Variants in COPB1 observed in about 807,000 individuals in gnomAD.
COPB1 encodes the protein coat protein complex I subunit beta 1, also known as coatomer subunit beta.
Under a neutral mutation model 108.7 loss-of-function variants are expected in COPB1, and 21 were observed. The observed-to-expected ratio is 0.19, with a 90% CI of 0.14 to 0.28. COPB1 has a LOEUF of 0.28. COPB1 is among the 10% of genes least tolerant of loss of function. The probability of loss-of-function intolerance (pLI) is 1.00; values close to 1 mark genes in which losing one functional copy is unlikely to be tolerated. For missense variants in COPB1, 919 were observed against 1,141.3 expected, an observed-to-expected ratio of 0.81 and a Z score of 2.81; for synonymous variants, 378 against 386.8, an observed-to-expected ratio of 0.98 and a Z score of 0.27.
At chr11:14,485,159 C>T (rs1406457328) in intron 7 of COPB1, among the ~76,000 whole-genome samples, 2 of 152,090 alleles carry the variant, frequency 1.3e-5, no homozygotes, top group African/African-American at 4.8e-5. Context: ...CACCACCATG[C>T]CCAGCTAATT....
Position 14,457,706 on chromosome 11 carries a change from A to C in COPB1, c.*118T>G. On this transcript the variant is annotated 3_prime_UTR_variant, in exon 22 of 22. Coordinates refer to ENST00000439561, the MANE Select transcript of COPB1 (RefSeq NM_001144061.2). Reference sequence around the variant, plus strand: ...GGGAAAGGCTATAAATTATTGGCTGAAAAGTATTCAGCATGAACTCAGATT... The same window carrying C: ...GGGAAAGGCTATAAATTATTGGCTGCAAAGTATTCAGCATGAACTCAGATT... 1.4e-6 allele frequency: 1 copy of C among 718,042 alleles called. No homozygotes were observed. Among genetic ancestry groups the C allele is most frequent in the Non-Finnish European group, 2.5e-6 (1 of 402,050 alleles). The allele number at this position is 718,042 out of a possible 1,614,324, so 44.5% of individuals were successfully genotyped here. A position where few individuals can be genotyped will look rare whatever the true frequency, so the allele number is the denominator to read the frequency against.
intron 20 of COPB1, among the ~76,000 whole-genome samples, chr11:14,459,454 G>A (rs568842428): frequency 6.6e-6 from 1 of 152,082 alleles, no homozygotes; most frequent in African/African-American, 2.4e-5. Context: ...TAGAGCTCCA[G>A]CTTCATTTTT....
intron 16 of COPB1, among the ~76,000 whole-genome samples, chr11:14,466,669 T>C (rs1850287676): frequency 6.6e-6 from 1 of 152,338 alleles, no homozygotes; most frequent in South Asian, 2.1e-4. Flanking sequence ...GTATAAGGTA[T>C]TATACATGTT....
At chr11:14,460,626 C>T (rs1288048443) in intron 19 of COPB1, among the ~76,000 whole-genome samples, 2 of 151,972 alleles carry the variant, frequency 1.3e-5, no homozygotes, top group African/African-American at 4.8e-5. Flanking sequence ...AAGTGATCCT[C>T]CCACCTCAGT....
chr11:14,478,740 C>A (rs1655886682), intron 11 of COPB1, among the ~76,000 whole-genome samples: 1 of 151,840 alleles, frequency 6.6e-6, no homozygotes. Context: ...GTGTGAGCCA[C>A]CATACCCAGC....
At chr11:14,487,905 T>C (rs1850812857) in intron 6 of COPB1, among the ~76,000 whole-genome samples, 1 of 152,170 alleles carries the variant, frequency 6.6e-6, no homozygotes, top group African/African-American at 2.4e-5. Context: ...ATGGTATCAA[T>C]AGCAAAGTTG....
At chr11:14,484,722 A>C (rs944255866) in intron 7 of COPB1, among the ~76,000 whole-genome samples, 7 of 152,222 alleles carry the variant, frequency 4.6e-5, no homozygotes, top group Admixed American at 4.6e-4. Flanking sequence ...CGTCTCAAAA[A>C]ACAAAAACAA....
At chr11:14,458,871 G>T (rs368511565) in intron 20 of COPB1, among the ~76,000 whole-genome samples, 184 bp from the exon 21 acceptor site, 11 of 151,588 alleles carry the variant, frequency 7.3e-5, no homozygotes, top group African/African-American at 2.4e-4. Context: ...AGGTTCAGGC[G>T]ATTCTCCTGC....
At chr11:14,482,356 T>C (rs1365722804) in intron 8 of COPB1, among the ~76,000 whole-genome samples, 2 of 152,324 alleles carry the variant, frequency 1.3e-5, no homozygotes, top group East Asian at 3.9e-4. Flanking sequence ...TCTCATGGAT[T>C]AAACAAATAT....
chr11:14,480,099 T>C (rs1850629134), intron 10 of COPB1, among the ~76,000 whole-genome samples: 1 of 152,230 alleles, frequency 6.6e-6, no homozygotes, highest in African/African-American at 2.4e-5. Context: ...GTGCCATGCC[T>C]GACCCTTGTA....
intron 4 of COPB1, among the ~76,000 whole-genome samples, chr11:14,491,401 G>A (rs1276264599): frequency 2.6e-5 from 4 of 152,120 alleles, no homozygotes; most frequent in African/African-American, 9.7e-5. Flanking sequence ...CGGGCGCAGT[G>A]GCTCACACCT....
chr11:14,493,520 T>C (rs919797636), intron 4 of COPB1, 122 bp downstream of exon 4: 7 of 792,530 alleles, frequency 8.8e-6, no homozygotes, highest in African/African-American at 3.6e-5. Flanking sequence ...AAAAATACAG[T>C]GCTGGCCATA....
chr11:14,468,518 T>G (rs577035128), intron 16 of COPB1, among the ~76,000 whole-genome samples, 163 bp downstream of exon 16: 7 of 152,348 alleles, frequency 4.6e-5, no homozygotes, highest in Non-Finnish European at 1.0e-4. Flanking sequence ...CTATCACATA[T>G]AGTAGTAAGG....
At position 14,464,605 on chromosome 11, in the gene COPB1, AT is replaced by A. The variant is rs980798786; in HGVS notation, c.2410+305del. 4.7e-4 allele frequency among the ~76,000 whole-genome samples: 70 copies of A among 149,838 alleles called. 1 individual carries two copies. Among genetic ancestry groups the A allele is most frequent in the African/African-American group, 1.4e-3 (57 of 40,938 alleles). On this transcript the variant is annotated intron_variant, in intron 18 of 21. Transcript: ENST00000439561. ...TTATAAAGCCTTCCACACTGTTAGC[AT>A]TTTTTTTTTCCCTAACCTCAAAGCA...
chr11:14,465,908 T>G (rs1386999493), intron 17 of COPB1, among the ~76,000 whole-genome samples: 1 of 152,208 alleles, frequency 6.6e-6, no homozygotes. Context: ...TTTGGTCACA[T>G]GTGGTATCTA....
Position 14,498,920 on chromosome 11 carries a change from C to T in COPB1, c.9G>A (p.Ala3=), listed in dbSNP as rs1235724699. The stretch of plus-strand genomic sequence containing the variant: ...TTAACGTGTAGCATACGTTCTCAGC[C>T]GCCGTCATGGTTTCTGGTTATATTA... MT[A]AENVCYTLIN... The change falls in exon 2 of 22, where the codon GCG becomes GCA. Residue 3 remains alanine, a synonymous_variant. Coordinates refer to ENST00000439561, the MANE Select transcript of COPB1 (RefSeq NM_001144061.2). 6 of 1,606,934 alleles carry T rather than the reference C, an allele frequency of 3.7e-6. No individual in the cohort carries two copies. The highest frequency in any genetic ancestry group is 4.5e-5 in the East Asian group (2 of 44,764).
chr11:14,481,623 T>A (rs1186699007), intron 8 of COPB1, among the ~76,000 whole-genome samples: 2 of 152,230 alleles, frequency 1.3e-5, no homozygotes, highest in Non-Finnish European at 2.9e-5. Context: ...ATAACATTCA[T>A]AAATTATTAA....
intron 17 of COPB1, 36 bp downstream of exon 17, chr11:14,466,246 G>A (rs990931571): frequency 1.2e-6 from 2 of 1,601,786 alleles, no homozygotes; most frequent in East Asian, 2.2e-5. Context: ...GATCTACTAT[G>A]TGACAATCTC....
intron 20 of COPB1, among the ~76,000 whole-genome samples, chr11:14,459,599 C>T (rs1055767878): frequency 1.3e-5 from 2 of 152,028 alleles, no homozygotes; most frequent in South Asian, 4.1e-4. Flanking sequence ...TTTTCTAATC[C>T]AGTATTACAA....
Sources: gnomAD v4.1 joint callset for allele counts (sites outside exome capture counted in the v4.1 genomes callset) on GRCh38, gnomAD v4.1.1 for gene constraint, MANE v1.5 for transcripts, NCBI Gene and HGNC (gene_info 2026-07-23, HGNC 2026-07-21) for gene names.